The following DLGAP2 variants were observed in gnomAD, a reference collection of about 807,000 sequenced individuals.
DLGAP2 encodes the protein DLG associated protein 2, also known as disks large-associated protein 2.
Under a neutral mutation model 100.3 loss-of-function variants are expected in DLGAP2, and 26 were observed. That is an observed-to-expected ratio of 0.26 (90% confidence interval 0.19 to 0.36). DLGAP2 has a LOEUF of 0.36. Ranked by LOEUF, DLGAP2 falls within the 10% of genes least tolerant of loss-of-function variation. DLGAP2 has a pLI of 1.00. For synonymous variants in DLGAP2, 886 were observed against 630.1 expected, an observed-to-expected ratio of 1.41 and a Z score of -6.08; for missense variants, 1,858 against 1,453.2, an observed-to-expected ratio of 1.28 and a Z score of -4.53.
chr8:1,502,312 C>A (rs189702706), intron 4 of DLGAP2, among the ~76,000 whole-genome samples: 1 of 152,320 alleles, frequency 6.6e-6, no homozygotes, highest in East Asian at 1.9e-4. Context: ...TTTTTAAAAA[C>A]GTATTTCAGA....
chr8:1,497,703 G>A (rs984770902), intron 3 of DLGAP2, among the ~76,000 whole-genome samples: 5 of 152,192 alleles, frequency 3.3e-5, no homozygotes, highest in African/African-American at 7.2e-5. Flanking sequence ...CAGGGTTCTT[G>A]CCTAGTGAGG....
intron 2 of DLGAP2, among the ~76,000 whole-genome samples, chr8:1,150,341 G>A (rs1796676002): frequency 6.6e-6 from 1 of 152,152 alleles, no homozygotes; most frequent in African/African-American, 2.4e-5. Flanking sequence ...CCAGGGCATG[G>A]TATCATTGCT....
At chr8:1,590,799 G>C (rs2130670734) in intron 6 of DLGAP2, among the ~76,000 whole-genome samples, 1 of 152,200 alleles carries the variant, frequency 6.6e-6, no homozygotes, top group East Asian at 1.9e-4. Context: ...CCGTTCGGAG[G>C]CTCCCTCTGG....
chr8:1,011,857 G>C (rs73176527), intron 2 of DLGAP2, among the ~76,000 whole-genome samples: 1 of 152,250 alleles, frequency 6.6e-6, no homozygotes, highest in Non-Finnish European at 1.5e-5. Context: ...CTGAGGCACA[G>C]ATGTGGAACC....
At chr8:1,433,723 A>T (rs1479621505) in intron 3 of DLGAP2, among the ~76,000 whole-genome samples, 2 of 143,418 alleles carry the variant, frequency 1.4e-5, no homozygotes, top group Non-Finnish European at 3.0e-5. Flanking sequence ...AAATACACAG[A>T]TGAGGCAAAA....
intron 2 of DLGAP2, among the ~76,000 whole-genome samples, chr8:1,058,073 G>C (rs1802935653): frequency 1.3e-5 from 2 of 152,300 alleles, no homozygotes; most frequent in East Asian, 3.9e-4. Flanking sequence ...ATATTACCCT[G>C]CTCTGCCAAA....
At chr8:1,352,267 T>C (rs1417137759) in intron 3 of DLGAP2, among the ~76,000 whole-genome samples, 4 of 87,554 alleles carry the variant, frequency 4.6e-5, no homozygotes, top group African/African-American at 1.4e-4. Flanking sequence ...CCTGATCGTG[T>C]GTGGAAAGGA....
intron 10 of DLGAP2, among the ~76,000 whole-genome samples, chr8:1,671,964 G>A (rs902236808): frequency 2.6e-5 from 4 of 152,216 alleles, no homozygotes; most frequent in Admixed American, 1.3e-4. Context: ...GCCTGACCTC[G>A]CTTTTCTTCA....
At chr8:1,359,918 A>C (rs1301499782) in intron 3 of DLGAP2, among the ~76,000 whole-genome samples, 1 of 152,218 alleles carries the variant, frequency 6.6e-6, no homozygotes, top group Non-Finnish European at 1.5e-5. Flanking sequence ...TGCTAAGGCA[A>C]TTGGAGAGTG....
At chr8:1,385,752 C>T (rs1347455626) in intron 3 of DLGAP2, among the ~76,000 whole-genome samples, 2 of 149,146 alleles carry the variant, frequency 1.3e-5, no homozygotes, top group Admixed American at 1.3e-4. Flanking sequence ...TTACCCCGGC[C>T]TATGCCCATC....
chr8:1,301,622 G>C (rs969414201), intron 3 of DLGAP2: 1 of 152,298 alleles, frequency 6.6e-6, no homozygotes, highest in South Asian at 2.1e-4. Context: ...CTCTGGGAGA[G>C]GGTAGAGGAT....
At chr8:1,419,084 C>A (rs1041119494) in intron 3 of DLGAP2, among the ~76,000 whole-genome samples, 7 of 152,242 alleles carry the variant, frequency 4.6e-5, no homozygotes, top group African/African-American at 1.7e-4. Flanking sequence ...TGTGTTCAGC[C>A]CTCTGCAAGC....
chr8:1,336,323 A>T (rs554503610), intron 3 of DLGAP2, among the ~76,000 whole-genome samples: 1 of 152,246 alleles, frequency 6.6e-6, no homozygotes, highest in African/African-American at 2.4e-5. Flanking sequence ...AAAGGGTGGA[A>T]GTGAAGAAGG....
At chr8:1,687,058 C>T (rs1799134451) in intron 12 of DLGAP2, among the ~76,000 whole-genome samples, 2 of 152,074 alleles carry the variant, frequency 1.3e-5, no homozygotes, top group South Asian at 2.1e-4. Context: ...TCATGAGGCT[C>T]GAGATCTTGA....
At chr8:1,072,470 G>C (rs932160125) in intron 2 of DLGAP2, among the ~76,000 whole-genome samples, 1 of 152,164 alleles carries the variant, frequency 6.6e-6, no homozygotes, top group Non-Finnish European at 1.5e-5. Flanking sequence ...GAAATGCAGA[G>C]TCCTCATTCA....
intron 1 of DLGAP2, among the ~76,000 whole-genome samples, chr8:751,292 C>G (rs1186885815): frequency 1.3e-5 from 2 of 148,438 alleles, no homozygotes; most frequent in African/African-American, 2.5e-5. Context: ...GGAGCATTTT[C>G]CTGGATCTCC....
intron 2 of DLGAP2, among the ~76,000 whole-genome samples, chr8:1,045,428 G>A (rs906907872): frequency 1.3e-5 from 2 of 152,142 alleles, no homozygotes; most frequent in Non-Finnish European, 1.5e-5. Flanking sequence ...TTTGAAAGAC[G>A]TAAACACTGC....
chr8:1,695,856 AT>A (rs1799384268), intron 13 of DLGAP2, among the ~76,000 whole-genome samples: 1 of 152,200 alleles, frequency 6.6e-6, no homozygotes, highest in Admixed American at 6.5e-5. Flanking sequence ...CACTTTAGTT[AT>A]CCCCACCCAC....
At chr8:1,381,122 G>A (rs751683976) in intron 3 of DLGAP2, 14 of 152,016 alleles carry the variant, frequency 9.2e-5, no homozygotes, top group Non-Finnish European at 1.8e-4. Flanking sequence ...GTTGCTGTTC[G>A]TAACCGACGG....
Sources: gnomAD v4.1 joint callset for allele counts (sites outside exome capture counted in the v4.1 genomes callset) on GRCh38, gnomAD v4.1.1 for gene constraint, MANE v1.5 for transcripts, NCBI Gene and HGNC (gene_info 2026-07-23, HGNC 2026-07-21) for gene names.